ZFHX3: variants seen among roughly 807,000 people sequenced by gnomAD.
ZFHX3 encodes zinc finger homeobox 3.
Under a neutral mutation model 279.1 loss-of-function variants are expected in ZFHX3, and 42 were observed. The observed-to-expected ratio is 0.15, with a 90% CI of 0.12 to 0.19. ZFHX3 has a LOEUF of 0.19. Ranked by LOEUF, ZFHX3 falls within the 10% of genes least tolerant of loss-of-function variation. The pLI is 1.00. For synonymous variants in ZFHX3, 2,293 were observed against 1,957.8 expected, an observed-to-expected ratio of 1.17 and a Z score of -4.52; for missense variants, 4,981 against 4,754.0, an observed-to-expected ratio of 1.05 and a Z score of -1.40.
intron 4 of ZFHX3, among the ~76,000 whole-genome samples, chr16:73,274,074 G>A (rs1169347498): frequency 6.6e-6 from 1 of 152,148 alleles, no homozygotes; most frequent in Non-Finnish European, 1.5e-5. Flanking sequence ...AACCCAGGAG[G>A]TGGACGTTGC....
chr16:73,299,807 C>A (rs755169072), intron 4 of ZFHX3, among the ~76,000 whole-genome samples: 13 of 152,158 alleles, frequency 8.5e-5, no homozygotes, highest in Non-Finnish European at 1.6e-4. Context: ...GAGAAGCATG[C>A]TATATGCTTC....
intron 2 of ZFHX3, among the ~76,000 whole-genome samples, chr16:73,559,028 T>G (rs1265860468): frequency 6.6e-6 from 1 of 151,508 alleles, no homozygotes; most frequent in Non-Finnish European, 1.5e-5. Context: ...TCTCTGCTCC[T>G]TAAGCACTCC....
intron 1 of ZFHX3, among the ~76,000 whole-genome samples, chr16:73,035,777 G>A (rs977402046): frequency 2.0e-5 from 3 of 152,158 alleles, no homozygotes; most frequent in Admixed American, 6.5e-5. Context: ...ACCAGCCCAC[G>A]CTGGTAGTCC....
At chr16:72,979,438 T>C (rs776498457) in intron 1 of ZFHX3, among the ~76,000 whole-genome samples, 2 of 152,064 alleles carry the variant, frequency 1.3e-5, no homozygotes, top group African/African-American at 4.8e-5. Context: ...CATTTCGCCA[T>C]AGGAAAGATG....
intron 1 of ZFHX3, among the ~76,000 whole-genome samples, chr16:72,983,049 G>C (rs1482451580): frequency 6.6e-6 from 1 of 152,116 alleles, no homozygotes; most frequent in Non-Finnish European, 1.5e-5. Flanking sequence ...AAACAGAAAA[G>C]AAGGAAACCG....
chr16:73,836,209 C>T (rs1434082864), intron 1 of ZFHX3, among the ~76,000 whole-genome samples: 1 of 152,162 alleles, frequency 6.6e-6, no homozygotes, highest in African/African-American at 2.4e-5. Flanking sequence ...GCTCCCATTC[C>T]ACATTGAACC....
chr16:73,017,087 C>A (rs778542116), intron 1 of ZFHX3, among the ~76,000 whole-genome samples: 1 of 151,788 alleles, frequency 6.6e-6, no homozygotes, highest in Non-Finnish European at 1.5e-5. Flanking sequence ...ATCAGCCAGG[C>A]GTGGGGGCAT....
At chr16:72,938,296 G>A (rs918733720) in intron 3 of ZFHX3, among the ~76,000 whole-genome samples, 5 of 152,390 alleles carry the variant, frequency 3.3e-5, no homozygotes, top group East Asian at 1.9e-4. Flanking sequence ...TCTCAGCAAC[G>A]CAGGGCGTGT....
intron 1 of ZFHX3, among the ~76,000 whole-genome samples, chr16:72,974,820 G>A (rs1356726125): frequency 6.6e-6 from 1 of 152,198 alleles, no homozygotes; most frequent in Non-Finnish European, 1.5e-5. Flanking sequence ...GCACCCTCGA[G>A]AGACCCCTTT....
chr16:72,927,027 C>A (rs1309449901), intron 3 of ZFHX3, among the ~76,000 whole-genome samples: 2 of 152,162 alleles, frequency 1.3e-5, no homozygotes, highest in Non-Finnish European at 1.5e-5. Context: ...AGCATAGGGG[C>A]TTCTCAGCTG....
intron 2 of ZFHX3, among the ~76,000 whole-genome samples, chr16:73,678,611 T>A (rs8056392): frequency 0.013 from 2,041 of 152,238 alleles, 45 homozygotes; most frequent in African/African-American, 0.045. Context: ...TTAAAATATA[T>A]GTAACAGAAA....
chr16:72,882,581 G>A (rs753473595), intron 4 of ZFHX3, among the ~76,000 whole-genome samples: 18 of 152,272 alleles, frequency 1.2e-4, no homozygotes, highest in East Asian at 9.7e-4. Context: ...GAGGCTGCAC[G>A]CTCAACCCAC....
intron 5 of ZFHX3, among the ~76,000 whole-genome samples, chr16:73,168,351 T>C: frequency 6.6e-6 from 1 of 151,856 alleles, no homozygotes; most frequent in Non-Finnish European, 1.5e-5. Flanking sequence ...AGACTTGAAC[T>C]CCTGGACTCA....
intron 3 of ZFHX3, among the ~76,000 whole-genome samples, chr16:73,451,960 G>C (rs1198988197): frequency 2.0e-5 from 3 of 152,130 alleles, no homozygotes; most frequent in Non-Finnish European, 4.4e-5. Flanking sequence ...AGACAATTCA[G>C]AATCATTTGG....
intron 2 of ZFHX3, among the ~76,000 whole-genome samples, chr16:73,515,160 T>C (rs980120118): frequency 1.2e-4 from 19 of 152,330 alleles, no homozygotes; most frequent in African/African-American, 4.6e-4. Flanking sequence ...TGCATAACTT[T>C]CATTGACCTA....
At chr16:73,424,716 T>C (rs1343800407) in intron 3 of ZFHX3, among the ~76,000 whole-genome samples, 2 of 124,404 alleles carry the variant, frequency 1.6e-5, no homozygotes, top group Non-Finnish European at 3.1e-5. Context: ...ATTGCGCCAC[T>C]GCACTTGAGT....
In ZFHX3 at chr16:73,127,529, G is replaced by A. The variant is rs80262669; in HGVS notation, c.-897+3439C>T. ...TGGGGGAAGAAGAGAGCCCCTGAAT[G>A]CAGAGATGGGAGGCTTTGGGCTCAG... On this transcript the variant is annotated intron_variant, in intron 7 of 17. Transcript: ENST00000641206. The A allele has an allele frequency of 1.8e-3, 2,367 of 1,305,488 alleles. 40 individuals carry two copies. In the African/African-American group the frequency reaches 0.031, roughly 17 times the overall value. The allele number at this position is 1,305,488 out of a possible 1,614,324, so 80.9% of individuals were successfully genotyped here.
In ZFHX3 at chr16:73,773,808, G is replaced by A. The variant is rs535264057; in HGVS notation, c.-1607-93568C>T. Among the ~76,000 whole-genome samples the A allele has an allele frequency of 7.2e-5, 11 of 152,254 alleles. No homozygotes were observed. In the South Asian group the frequency reaches 2.1e-3, roughly 29 times the overall value. On this transcript the variant is annotated intron_variant, in intron 1 of 17. Coordinates refer to the ZFHX3 transcript ENST00000641206. ...AGAGAAGGTTTAGAGCTCAGTACCA[G>A]GGGACTCCAACATTCCCTGGTACAA... is the stretch of plus-strand genomic sequence containing the variant.
At chr16:73,449,568 A>T (rs2143555825) in intron 3 of ZFHX3, among the ~76,000 whole-genome samples, 1 of 152,362 alleles carries the variant, frequency 6.6e-6, no homozygotes, top group South Asian at 2.1e-4. Flanking sequence ...GTAAATAAAA[A>T]ACAATGAAGA....
Sources: allele counts gnomAD v4.1 joint callset (sites outside exome capture counted in the v4.1 genomes callset), GRCh38; gene constraint gnomAD v4.1.1; transcripts MANE v1.5; gene names NCBI Gene and HGNC (gene_info 2026-07-23, HGNC 2026-07-21).